Variants in PNPLA3 observed in about 807,000 individuals in gnomAD.
PNPLA3 encodes patatin like domain 3, 1-acylglycerol-3-phosphate O-acyltransferase, also known as 1-acylglycerol-3-phosphate O-acyltransferase PNPLA3.
In PNPLA3, 42 loss-of-function variants were observed where a neutral mutation model predicts 43.1. The ratio of observed to expected loss-of-function variants is 0.97; its 90% CI spans 0.76 to 1.26. PNPLA3 has a LOEUF of 1.26. Among genes scored for constraint, PNPLA3 ranks in the 50% most tolerant of loss-of-function variants. The pLI, the probability that PNPLA3 is intolerant of heterozygous loss-of-function variation, is 0.00. For missense variants in PNPLA3, 647 were observed against 621.4 expected (o/e 1.04, Z -0.44); for synonymous variants, 272 against 253.6 (o/e 1.07, Z -0.69).
At chr22:43,939,940 G>A (rs2050020457) in intron 6 of PNPLA3, 53 bp from the exon 7 acceptor site, 3 of 1,613,630 alleles carry the variant, frequency 1.9e-6, no homozygotes, top group Admixed American at 1.7e-5. Context: ...AGAGTAAAGT[G>A]GTTTGGTTTT....
intron 7 of PNPLA3, among the ~76,000 whole-genome samples, chr22:43,941,888 G>A (rs1013568695): frequency 6.6e-5 from 10 of 152,284 alleles, no homozygotes; most frequent in Admixed American, 3.3e-4. Context: ...AGGGAGTCCA[G>A]GGAAGGGAGA....
chr22:43,930,989 T>C (rs2049958133), intron 3 of PNPLA3, among the ~76,000 whole-genome samples: 2 of 151,800 alleles, frequency 1.3e-5, no homozygotes, highest in African/African-American at 4.8e-5. Flanking sequence ...TAGCTGGGCG[T>C]GGTGGCGGGC....
chr22:43,936,985 G>A lies in PNPLA3; in HGVS notation c.758-66G>A, dbSNP rs138095779. On this transcript the variant is annotated intron_variant, in intron 5 of 8. Coordinates refer to ENST00000216180, the MANE Select transcript of PNPLA3 (RefSeq NM_025225.3). ...CTGCCTGCCTCCCTGCAGTTTGGTA[G>A]ATGGGTGGGTAACGACCACCACTCC... 35 of 1,348,624 alleles carry A rather than the reference G, an allele frequency of 2.6e-5. No individual in the cohort carries two copies. In the East Asian group the frequency reaches 8.5e-4, roughly 33 times the overall value. 83.5% of individuals were successfully genotyped at this position (1,348,624 alleles called of 1,614,324 possible). A position where few individuals can be genotyped will look rare whatever the true frequency, so the allele number is the denominator to read the frequency against.
chr22:43,944,095 C>A (rs1206210730), intron 7 of PNPLA3, among the ~76,000 whole-genome samples: 1 of 152,040 alleles, frequency 6.6e-6, no homozygotes, highest in Non-Finnish European at 1.5e-5. Flanking sequence ...CCTGATTAAT[C>A]TTTTAATGCC....
In PNPLA3 at chr22:43,946,546, C is replaced by A. The variant is rs1057199550; in HGVS notation, c.*164C>A. On this transcript the variant is annotated 3_prime_UTR_variant, in exon 9 of 9. Transcript: ENST00000216180. ...TATGAAAAGCTAGGAAGCAACCTTT[C>A]GCCTGTGCAGCGGTCCAGCACTTAA... 6.8e-6 allele frequency: 5 copies of A among 734,246 alleles called. No individual in the cohort carries two copies. The highest frequency in any genetic ancestry group is 1.5e-5 in the South Asian group (1 of 65,172). The allele number at this position is 734,246 out of a possible 1,614,324, so 45.5% of individuals were successfully genotyped here. A position where few individuals can be genotyped will look rare whatever the true frequency, so the allele number is the denominator to read the frequency against.
chr22:43,938,675 C>T (rs190286384), intron 6 of PNPLA3, among the ~76,000 whole-genome samples: 5 of 152,366 alleles, frequency 3.3e-5, no homozygotes, highest in East Asian at 1.9e-4. Context: ...CATCAGGCTC[C>T]GCCTCCAACA....
chr22:43,925,216 C>T (rs1199892497), intron 1 of PNPLA3, among the ~76,000 whole-genome samples: 1 of 152,148 alleles, frequency 6.6e-6, no homozygotes, highest in Admixed American at 6.5e-5. Context: ...GCTCAGTACT[C>T]CTGGAAATGA....
chr22:43,925,707 G>A (rs1230956148), intron 1 of PNPLA3, among the ~76,000 whole-genome samples: 4 of 152,168 alleles, frequency 2.6e-5, no homozygotes, highest in Non-Finnish European at 5.9e-5. Flanking sequence ...CAAAGGGCAC[G>A]AAATGTGGCC....
At chr22:43,924,297 G>A in intron 1 of PNPLA3, 199 bp downstream of exon 1, 1 of 653,664 alleles carries the variant, frequency 1.5e-6, no homozygotes, top group Non-Finnish European at 2.4e-6. Flanking sequence ...AGGGGGCGTT[G>A]GAACCCCGAG....
intron 1 of PNPLA3, 152 bp from the exon 2 acceptor site, chr22:43,926,783 A>C (rs763110387): frequency 3.2e-6 from 2 of 632,298 alleles, no homozygotes; most frequent in Non-Finnish European, 5.5e-6. Flanking sequence ...GCCACATTTC[A>C]AGGGCGTGAT....
intron 8 of PNPLA3, among the ~76,000 whole-genome samples, chr22:43,945,098 C>T (rs779313843): frequency 1.3e-5 from 2 of 152,184 alleles, no homozygotes; most frequent in Non-Finnish European, 2.9e-5. Flanking sequence ...AAAGGTGCTT[C>T]AGACAGAGTG....
intron 6 of PNPLA3, chr22:43,939,517 T>G: frequency 8.8e-6 from 7 of 793,182 alleles, no homozygotes; most frequent in Non-Finnish European, 1.1e-5. Context: ...GCCCTTGCTG[T>G]GAAGGGAGCA....
intron 6 of PNPLA3, among the ~76,000 whole-genome samples, chr22:43,938,866 G>A (rs1378547029): frequency 6.6e-6 from 1 of 152,250 alleles, no homozygotes; most frequent in Non-Finnish European, 1.5e-5. Flanking sequence ...AGCTGGTGGT[G>A]CCTGAGAAGT....
chr22:43,924,351 AC>A, intron 1 of PNPLA3: 1 of 478,616 alleles, frequency 2.1e-6, no homozygotes. Context: ...CCCCACCCCT[AC>A]CCCCATCAGG....
intron 1 of PNPLA3, among the ~76,000 whole-genome samples, chr22:43,924,652 CTT>C (rs537111274): frequency 5.5e-5 from 8 of 145,252 alleles, no homozygotes; most frequent in Non-Finnish European, 9.1e-5. Context: ...TTCTTTTTTT[CTT>C]TTTTTTTTTT....
At chr22:43,945,468 G>T (rs1254864899) in intron 8 of PNPLA3, among the ~76,000 whole-genome samples, 1 of 152,206 alleles carries the variant, frequency 6.6e-6, no homozygotes, top group Non-Finnish European at 1.5e-5. Context: ...GCTAACAGGG[G>T]TGATCCCCAT....
In PNPLA3 at chr22:43,932,961, G is replaced by C. The variant is rs528466636; in HGVS notation, c.570G>C (p.Glu190Asp). ...TTITVSPFYG[E>D]YDICPKVKST... is the part of the protein sequence containing the mutation. ...TCACCGTGTCCCCCTTCTATGGGGA[G>C]TACGACATCTGCCCTAAAGTCAAGT... Residue 190 changes from glutamate (E) to aspartate (D), a missense_variant, in exon 4 of 9, where the codon GAG becomes GAC. Physicochemically the swap from Glu to Asp is conservative, Grantham distance 45. Transcript: ENST00000216180. 6.2e-7 allele frequency: 1 copy of C among 1,614,182 alleles called. No homozygotes were observed. The highest frequency in any genetic ancestry group is 1.1e-5 in the South Asian group (1 of 91,086).
intron 1 of PNPLA3, 79 bp downstream of exon 1, chr22:43,924,177 T>A (rs1454334774): frequency 7.4e-7 from 1 of 1,352,020 alleles, no homozygotes; most frequent in Non-Finnish European, 9.5e-7. Context: ...TCCCCAGGGG[T>A]CGCGGGGCCC....
Position 43,943,696 on chromosome 22 carries a change from A to G in PNPLA3, c.1113-995A>G, listed in dbSNP as rs113711390. On this transcript the variant is annotated intron_variant, in intron 7 of 8. Transcript: ENST00000216180. Reference sequence around the variant, plus strand: ...GAAACATAGGGTGGTTGCATGCTGCAGTCCTGAGCACTTATTTCACTCACA... The same window carrying G: ...GAAACATAGGGTGGTTGCATGCTGCGGTCCTGAGCACTTATTTCACTCACA... 9.0e-3 allele frequency among the ~76,000 whole-genome samples: 1,371 copies of G among 152,252 alleles called. 28 individuals are homozygous for G. The highest frequency in any genetic ancestry group is 0.031 in the African/African-American group (1,303 of 41,532).
Sources: allele counts gnomAD v4.1 joint callset (sites outside exome capture counted in the v4.1 genomes callset), GRCh38; gene constraint gnomAD v4.1.1; transcripts MANE v1.5; gene names NCBI Gene and HGNC (gene_info 2026-07-23, HGNC 2026-07-21).